The following COL25A1 variants were observed in gnomAD, a reference collection of about 807,000 sequenced individuals.
The protein encoded by COL25A1 is collagen type XXV alpha 1 chain, also known as collagen alpha-1(XXV) chain.
COL25A1 carries 103 observed loss-of-function variants against 128.4 expected under a neutral mutation model. That is an observed-to-expected ratio of 0.80 (90% CI 0.68 to 0.94). The LOEUF is 0.94. Ranked by LOEUF, COL25A1 falls within the 40% of genes least tolerant of loss-of-function variation. The probability of loss-of-function intolerance (pLI) is 0.00; values close to 1 mark genes in which losing one functional copy is unlikely to be tolerated. For missense variants in COL25A1, 745 were observed against 840.0 expected, an observed-to-expected ratio of 0.89 and a Z score of 1.40; for synonymous variants, 279 against 277.2, an observed-to-expected ratio of 1.01 and a Z score of -0.06.
At chr4:109,246,099 G>A (rs11939502) in intron 3 of COL25A1, among the ~76,000 whole-genome samples, 9,582 of 150,368 alleles carry the variant, frequency 0.064, 657 homozygotes, top group African/African-American at 0.18. Context: ...ACCTAAAGTA[G>A]GAAAAAAGAC....
intron 3 of COL25A1, among the ~76,000 whole-genome samples, chr4:109,145,350 A>G (rs1248397803): frequency 6.6e-6 from 1 of 152,134 alleles, no homozygotes; most frequent in Non-Finnish European, 1.5e-5. Context: ...TACAGGCATG[A>G]GCCACCGTGC....
intron 3 of COL25A1, among the ~76,000 whole-genome samples, chr4:109,298,000 T>C (rs1176956857): frequency 6.7e-6 from 1 of 149,286 alleles, no homozygotes; most frequent in African/African-American, 2.4e-5. Context: ...GTCCAAAACC[T>C]ATACTTATTC....
chr4:108,927,160 G>T (rs1746163922), intron 11 of COL25A1, among the ~76,000 whole-genome samples: 1 of 152,040 alleles, frequency 6.6e-6, no homozygotes, highest in Non-Finnish European at 1.5e-5. Context: ...CATTCTTCAA[G>T]GCCCAGTGGT....
At chr4:108,906,968 C>T (rs11935953) in intron 13 of COL25A1, among the ~76,000 whole-genome samples, 103,880 of 152,032 alleles carry the variant, frequency 0.68, 36,784 homozygotes, top group East Asian at 0.94. Context: ...CAACTGGGAG[C>T]TTGGAAAATA....
At chr4:108,882,846 CAAG>C (rs372786815) in intron 19 of COL25A1, among the ~76,000 whole-genome samples, 32 of 152,116 alleles carry the variant, frequency 2.1e-4, no homozygotes, top group African/African-American at 7.2e-4. Flanking sequence ...GAATGCCAAC[CAAG>C]AAGACATAGC....
chr4:109,010,945 T>A (rs989940473), intron 5 of COL25A1, among the ~76,000 whole-genome samples: 1 of 152,266 alleles, frequency 6.6e-6, no homozygotes, highest in African/African-American at 2.4e-5. Flanking sequence ...TTTAAAAGGA[T>A]ATCAGAGGTC....
intron 3 of COL25A1, among the ~76,000 whole-genome samples, chr4:109,067,553 T>C (rs2125977443): frequency 6.6e-6 from 1 of 152,356 alleles, no homozygotes; most frequent in African/African-American, 2.4e-5. Flanking sequence ...TTTTGTTTCA[T>C]CGTGTTGGGG....
intron 11 of COL25A1, chr4:108,920,889 T>G (rs1432326984): frequency 7.6e-6 from 2 of 263,148 alleles, no homozygotes; most frequent in African/African-American, 2.2e-5. Context: ...TTTTAAAAAA[T>G]ACCTATAAAT....
Position 108,862,482 on chromosome 4 carries a change from T to C in COL25A1, c.1197+19A>G. 1 of 1,595,166 alleles carries C rather than the reference T, an allele frequency of 6.3e-7. No individual in the cohort carries two copies. The stretch of plus-strand genomic sequence containing the variant: ...TTGAAGGCCTCATGTTATATTTAAA[T>C]GGTTATCTGGTTACTGACCTTTGAC... On this transcript the variant is annotated intron_variant, in intron 22 of 37. Transcript: ENST00000399132.
intron 10 of COL25A1, among the ~76,000 whole-genome samples, chr4:108,939,861 C>G (rs1578831101): frequency 6.6e-6 from 1 of 152,078 alleles, no homozygotes; most frequent in Admixed American, 6.6e-5. Context: ...CCTTTTACTA[C>G]TATATCATTG....
chr4:109,108,726 A>T (rs3113717), intron 3 of COL25A1, among the ~76,000 whole-genome samples: 133,456 of 152,014 alleles, frequency 0.88, 58,710 homozygotes, highest in East Asian at 1. Flanking sequence ...GGTGATTTTT[A>T]AAAAAAATAA....
At chr4:109,166,556 A>G (rs1226353235) in intron 3 of COL25A1, among the ~76,000 whole-genome samples, 2 of 152,284 alleles carry the variant, frequency 1.3e-5, no homozygotes, top group East Asian at 3.9e-4. Flanking sequence ...CTGTATTTGG[A>G]GTTGGAACAG....
intron 3 of COL25A1, among the ~76,000 whole-genome samples, chr4:109,219,482 C>A (rs1457829438): frequency 6.6e-6 from 1 of 151,958 alleles, no homozygotes; most frequent in African/African-American, 2.4e-5. Flanking sequence ...ATGTTCCTTG[C>A]TTCTTCCTCT....
intron 5 of COL25A1, among the ~76,000 whole-genome samples, chr4:109,039,213 T>C (rs1759637262): frequency 6.6e-6 from 1 of 152,148 alleles, no homozygotes. Context: ...TTTAGCAGAA[T>C]GGCCTTCTCA....
At chr4:109,013,473 C>T (rs560480816) in intron 5 of COL25A1, among the ~76,000 whole-genome samples, 1 of 61,664 alleles carries the variant, frequency 1.6e-5, no homozygotes, top group African/African-American at 1.4e-4. Flanking sequence ...GCAACTTGCT[C>T]GAGTCCCCTT....
chr4:109,018,926 C>T (rs1231034947), intron 5 of COL25A1, among the ~76,000 whole-genome samples: 5 of 152,118 alleles, frequency 3.3e-5, no homozygotes, highest in Non-Finnish European at 7.4e-5. Context: ...GGAAGTCTTA[C>T]TGTATTAGTT....
chr4:108,938,084 T>C (rs1486076258), intron 10 of COL25A1, among the ~76,000 whole-genome samples: 2 of 152,210 alleles, frequency 1.3e-5, no homozygotes, highest in Non-Finnish European at 2.9e-5. Flanking sequence ...ATAAAGATAA[T>C]GACATGGTGT....
At chr4:108,860,242 C>T (rs904767852) in intron 23 of COL25A1, among the ~76,000 whole-genome samples, 1 of 151,984 alleles carries the variant, frequency 6.6e-6, no homozygotes. Context: ...CTCCCATGCA[C>T]CACCATGACC....
At chr4:108,987,449 C>A (rs980706938) in intron 6 of COL25A1, among the ~76,000 whole-genome samples, 3 of 151,530 alleles carry the variant, frequency 2.0e-5, no homozygotes, top group African/African-American at 4.9e-5. Context: ...GATCTCTGCT[C>A]ACTGCAACCT....
Sources: gnomAD v4.1 joint callset for allele counts (sites outside exome capture counted in the v4.1 genomes callset) on GRCh38, gnomAD v4.1.1 for gene constraint, MANE v1.5 for transcripts, NCBI Gene and HGNC (gene_info 2026-07-23, HGNC 2026-07-21) for gene names.